Variants in RELL1 observed in about 807,000 individuals in gnomAD.
The protein encoded by RELL1 is RELT-like protein 1.
Under a neutral mutation model 23.0 loss-of-function variants are expected in RELL1, and 10 were observed. The ratio of observed to expected loss-of-function variants is 0.43; its 90% CI spans 0.27 to 0.74. The LOEUF is 0.74. RELL1 is among the 30% of genes least tolerant of loss of function. The pLI is 0.19. For missense variants in RELL1, 315 were observed against 364.4 expected (o/e 0.86, Z 1.10); for synonymous variants, 146 against 146.8 (o/e 0.99, Z 0.04).
chr4:37,622,007 A>G (rs1471381075), intron 6 of RELL1, among the ~76,000 whole-genome samples: 1 of 152,256 alleles, frequency 6.6e-6, no homozygotes, highest in Non-Finnish European at 1.5e-5. Context: ...GATCATGGCC[A>G]TAAATGTACT....
At chr4:37,671,679 A>C (rs547700146) in intron 1 of RELL1, among the ~76,000 whole-genome samples, 2 of 152,356 alleles carry the variant, frequency 1.3e-5, no homozygotes, top group East Asian at 3.9e-4. Flanking sequence ...TGTTCGGCGT[A>C]TAATCAAGAA....
chr4:37,671,469 C>T (rs1462791440), intron 1 of RELL1, among the ~76,000 whole-genome samples: 1 of 152,170 alleles, frequency 6.6e-6, no homozygotes, highest in African/African-American at 2.4e-5. Context: ...ATGAAAGTGA[C>T]CTCTGGTTAT....
intron 6 of RELL1, among the ~76,000 whole-genome samples, chr4:37,599,896 C>T (rs1718970764): frequency 6.6e-6 from 1 of 152,142 alleles, no homozygotes; most frequent in Non-Finnish European, 1.5e-5. Context: ...ATGGCTAGGC[C>T]CCTCTCTCGG....
chr4:37,664,041 C>A (rs1400709059), intron 1 of RELL1, among the ~76,000 whole-genome samples: 1 of 152,070 alleles, frequency 6.6e-6, no homozygotes, highest in Non-Finnish European at 1.5e-5. Flanking sequence ...TTTTTAAAAA[C>A]CTTCATAGCA....
At chr4:37,597,887 C>G (rs1392212580) in intron 6 of RELL1, among the ~76,000 whole-genome samples, 1 of 151,654 alleles carries the variant, frequency 6.6e-6, no homozygotes, top group Non-Finnish European at 1.5e-5. Flanking sequence ...CCTGTCTCTA[C>G]TAAAAATAAA....
At chr4:37,671,235 G>C (rs1436608754) in intron 1 of RELL1, among the ~76,000 whole-genome samples, 1 of 152,148 alleles carries the variant, frequency 6.6e-6, no homozygotes, top group African/African-American at 2.4e-5. Context: ...AATAAGTTTG[G>C]CATTTTGCTA....
At chr4:37,639,423 CACA>C (rs1350500555) in intron 3 of RELL1, among the ~76,000 whole-genome samples, 1 of 145,582 alleles carries the variant, frequency 6.9e-6, no homozygotes, top group East Asian at 2.0e-4. Context: ...AAGTATTGAT[CACA>C]ACATATAAGT....
chr4:37,622,897 C>T (rs1334609214), intron 6 of RELL1: 5 of 445,296 alleles, frequency 1.1e-5, no homozygotes, highest in African/African-American at 2.0e-5. Flanking sequence ...CTCTGCCTCC[C>T]GGGTTCAACT....
At chr4:37,597,984 G>A (rs1718911913) in intron 6 of RELL1, among the ~76,000 whole-genome samples, 1 of 151,148 alleles carries the variant, frequency 6.6e-6, no homozygotes, top group African/African-American at 2.4e-5. Context: ...CCAGGAGGCA[G>A]AGGTTGCAGT....
intron 3 of RELL1, among the ~76,000 whole-genome samples, chr4:37,646,009 G>C (rs1366029676): frequency 6.6e-6 from 1 of 152,164 alleles, no homozygotes; most frequent in East Asian, 1.9e-4. Context: ...TGATGAGTGT[G>C]GTGTATTTCA....
At chr4:37,631,622 C>T (rs996102262) in intron 5 of RELL1, 99 bp from the exon 6 acceptor site, 2 of 1,355,534 alleles carry the variant, frequency 1.5e-6, no homozygotes, top group East Asian at 4.7e-5. Context: ...CTCAAATGAA[C>T]TCAGCCAAAA....
intron 3 of RELL1, among the ~76,000 whole-genome samples, chr4:37,641,756 C>A (rs548548325): frequency 1.3e-5 from 2 of 152,322 alleles, no homozygotes; most frequent in African/African-American, 4.8e-5. Flanking sequence ...CATCACTATT[C>A]TCTTCAAAGT....
At chr4:37,679,437 G>T (rs1286651652) in intron 1 of RELL1, among the ~76,000 whole-genome samples, 3 of 151,938 alleles carry the variant, frequency 2.0e-5, no homozygotes, top group African/African-American at 7.3e-5. Context: ...TTTTATATTT[G>T]CCTCCTAACA....
At chr4:37,628,145 T>C (rs979903213) in intron 6 of RELL1, among the ~76,000 whole-genome samples, 4 of 152,162 alleles carry the variant, frequency 2.6e-5, no homozygotes, top group South Asian at 2.1e-4. Context: ...CTATACTTCA[T>C]TGGGGTAATC....
intron 6 of RELL1, among the ~76,000 whole-genome samples, chr4:37,592,799 C>T (rs761389553): frequency 2.1e-4 from 32 of 152,218 alleles, no homozygotes; most frequent in Admixed American, 9.8e-4. Context: ...GTGTTTAGCA[C>T]AGTGCTTGGC....
chr4:37,651,626 C>A (rs186149293), intron 1 of RELL1, among the ~76,000 whole-genome samples: 171 of 152,298 alleles, frequency 1.1e-3, no homozygotes, highest in Middle Eastern at 3.4e-3. Flanking sequence ...CACCTCCATG[C>A]TGAAGAATTT....
chr4:37,590,025 G>T, downstream of RELL1: 1 of 1,150,374 alleles, frequency 8.7e-7, no homozygotes, highest in African/African-American at 1.5e-5. Flanking sequence ...AAGAAGCAGG[G>T]CCTGTGGTAA....
chr4:37,685,754 T>A (rs1220836775), intron 1 of RELL1, among the ~76,000 whole-genome samples: 2 of 152,248 alleles, frequency 1.3e-5, no homozygotes, highest in African/African-American at 4.8e-5. Context: ...TAGGATATTT[T>A]AAGGTATTTA....
rs16993708 is a variant in RELL1, at chr4:37,614,108, C to T, written c.*4-766G>A. Among the ~76,000 whole-genome samples, 903 of 152,258 alleles carry T rather than the reference C, an allele frequency of 5.9e-3. 5 individuals are homozygous for T. Among genetic ancestry groups the T allele is most frequent in the African/African-American group, 0.021 (864 of 41,540 alleles). On this transcript the variant is annotated intron_variant, in intron 6 of 6. Transcript: ENST00000454158. The stretch of plus-strand genomic sequence containing the variant: ...AACACTAAACAAAACCAGAGATAGA[C>T]CCAGCTTGCAGAAATATGAAGAAAT...
Sources: gnomAD v4.1 joint callset for allele counts (sites outside exome capture counted in the v4.1 genomes callset) on GRCh38, gnomAD v4.1.1 for gene constraint, MANE v1.5 for transcripts, NCBI Gene and HGNC (gene_info 2026-07-23, HGNC 2026-07-21) for gene names.